The following OR1L8 variants were observed in gnomAD, a reference collection of about 807,000 sequenced individuals.
The protein encoded by OR1L8 is olfactory receptor family 1 subfamily L member 8.
For synonymous variants in OR1L8, 148 were observed against 147.0 expected, an observed-to-expected ratio of 1.01 and a Z score of -0.05; for missense variants, 330 against 377.4, an observed-to-expected ratio of 0.87 and a Z score of 1.04.
chr9:122,569,947 G>A (rs1311893691), intron 4 of OR1L8, among the ~76,000 whole-genome samples: 1 of 148,678 alleles, frequency 6.7e-6, no homozygotes, highest in Non-Finnish European at 1.5e-5. Flanking sequence ...TTTTGTTCTT[G>A]CGATAGTTTA....
At chr9:122,550,664 A>G in the OR1L8 span, among the ~76,000 whole-genome samples, 1 of 152,130 alleles carries the variant, frequency 6.6e-6, no homozygotes, top group Admixed American at 6.6e-5. Flanking sequence ...AATCATCTCA[A>G]TAGATATAGA....
intron 4 of OR1L8, among the ~76,000 whole-genome samples, chr9:122,571,894 A>T (rs1008030702): frequency 6.6e-6 from 1 of 152,100 alleles, no homozygotes; most frequent in Non-Finnish European, 1.5e-5. Context: ...CTATTCTTAC[A>T]CTGCTATAAA....
At chr9:122,570,469 C>A (rs1829525516) in intron 4 of OR1L8, among the ~76,000 whole-genome samples, 1 of 152,174 alleles carries the variant, frequency 6.6e-6, no homozygotes, top group Non-Finnish European at 1.5e-5. Context: ...TAAATGCTTA[C>A]ATTTTTCTTG....
At chr9:122,561,677 G>A in the OR1L8 span, among the ~76,000 whole-genome samples, 3 of 152,148 alleles carry the variant, frequency 2.0e-5, no homozygotes, top group African/African-American at 4.8e-5. Context: ...GTCACTGGGG[G>A]AAGCTGGAGA....
the OR1L8 span, chr9:122,553,190 C>A: frequency 3.7e-6 from 6 of 1,610,434 alleles, no homozygotes; most frequent in Non-Finnish European, 5.1e-6. Flanking sequence ...TTTATCTGCG[C>A]AGATCACACG....
the OR1L8 span, among the ~76,000 whole-genome samples, chr9:122,561,979 C>A: frequency 6.6e-6 from 1 of 152,178 alleles, no homozygotes; most frequent in African/African-American, 2.4e-5. Flanking sequence ...ATGGCCACCC[C>A]TTCTACTAGG....
the OR1L8 span, among the ~76,000 whole-genome samples, chr9:122,548,803 TTTG>T: frequency 0.3 from 41,991 of 139,970 alleles, 6,765 homozygotes; most frequent in East Asian, 0.54. Flanking sequence ...TCCTGTGTGT[TTTG>T]TTGTTGTTGT....
chr9:122,553,822 C>T, the OR1L8 span: 3 of 1,613,866 alleles, frequency 1.9e-6, no homozygotes, highest in Admixed American at 3.3e-5. Context: ...ATGATCATCA[C>T]CATGGGCTTG....
Position 122,567,489 on chromosome 9 carries a change from G to A in OR1L8, c.*59C>T. 1 of 1,300,714 alleles carries A rather than the reference G, an allele frequency of 7.7e-7. No homozygotes were observed. The highest frequency in any genetic ancestry group is 1.1e-6 in the Non-Finnish European group (1 of 938,480). The allele number at this position is 1,300,714 out of a possible 1,614,324, so 80.6% of individuals were successfully genotyped here. On this transcript the variant is annotated 3_prime_UTR_variant, in exon 5 of 5. Coordinates refer to ENST00000641027, the MANE Select transcript of OR1L8 (RefSeq NM_001004454.2). ...AGCTTTGACTGTTCACCAGAAACCAGTAGAAAACACGTCCAAGTTGAGCAG... is the reference window on the plus strand; with the variant it reads ...AGCTTTGACTGTTCACCAGAAACCAATAGAAAACACGTCCAAGTTGAGCAG...
At chr9:122,572,579 G>GT (rs76223207) in intron 4 of OR1L8, among the ~76,000 whole-genome samples, 49,703 of 147,848 alleles carry the variant, frequency 0.34, 8,480 homozygotes, top group African/African-American at 0.39. Flanking sequence ...TTTGGGTTTG[G>GT]TTTTTTTTTT....
the OR1L8 span, among the ~76,000 whole-genome samples, chr9:122,550,695 C>T: frequency 3.3e-5 from 5 of 151,942 alleles, 1 homozygote; most frequent in African/African-American, 1.2e-4. Context: ...GATAAAATTC[C>T]ATATCCCTTC....
At chr9:122,577,488 G>A (rs571486552) in intron 2 of OR1L8, among the ~76,000 whole-genome samples, 10 of 152,232 alleles carry the variant, frequency 6.6e-5, no homozygotes, top group Admixed American at 1.3e-4. Context: ...AAAGTGCAAT[G>A]AACATGAACA....
the OR1L8 span, among the ~76,000 whole-genome samples, chr9:122,560,230 G>A: frequency 3.4e-4 from 51 of 151,834 alleles, no homozygotes; most frequent in Non-Finnish European, 6.5e-4. Context: ...TTCTTTGCAC[G>A]TGAGATGGAT....
the OR1L8 span, among the ~76,000 whole-genome samples, chr9:122,558,385 G>T: frequency 8.7e-6 from 1 of 115,588 alleles, no homozygotes; most frequent in African/African-American, 3.2e-5. Flanking sequence ...TCACCTTTTG[G>T]ATAGTTTGAG....
At chr9:122,565,037 A>G (rs567187043), downstream of OR1L8, among the ~76,000 whole-genome samples, 43 of 152,338 alleles carry the variant, frequency 2.8e-4, no homozygotes, top group Non-Finnish European at 5.1e-4. Context: ...CAAGGGACTT[A>G]TACTTCCTCG....
the OR1L8 span, among the ~76,000 whole-genome samples, chr9:122,547,607 TGAG>T: frequency 6.7e-6 from 1 of 149,428 alleles, no homozygotes; most frequent in Middle Eastern, 3.2e-3. Flanking sequence ...TTTTTATGGC[TGAG>T]TAGTAGTTCA....
chr9:122,553,263 C>T, the OR1L8 span: 427,079 of 1,612,470 alleles, frequency 0.26, 61,405 homozygotes, highest in East Asian at 0.51. Flanking sequence ...CTTCCTCCTT[C>T]TAGGACTCTC....
intron 3 of OR1L8, 113 bp from the exon 4 acceptor site, chr9:122,573,021 T>G (rs976297617): frequency 1.3e-5 from 2 of 152,298 alleles, no homozygotes; most frequent in African/African-American, 4.8e-5. Flanking sequence ...AACATAATGC[T>G]GCCTTTCTCA....
intron 2 of OR1L8, among the ~76,000 whole-genome samples, chr9:122,577,297 A>G (rs1477087373): frequency 6.6e-6 from 1 of 152,182 alleles, no homozygotes; most frequent in Non-Finnish European, 1.5e-5. Flanking sequence ...AAAGTCTCCA[A>G]ATTGGGTTGA....
Sources: allele counts gnomAD v4.1 joint callset (sites outside exome capture counted in the v4.1 genomes callset), GRCh38; gene constraint gnomAD v4.1.1; transcripts MANE v1.5; gene names NCBI Gene and HGNC (gene_info 2026-07-23, HGNC 2026-07-21).